Variants in LMF1 observed in about 807,000 individuals in gnomAD.
The protein encoded by LMF1 is lipase maturation factor 1.
LMF1 carries 68 observed loss-of-function variants against 60.6 expected under a neutral mutation model. The ratio of observed to expected loss-of-function variants is 1.12; its 90% confidence interval spans 0.92 to 1.37. LMF1 has a LOEUF of 1.37. LMF1 is among the 40% of genes most tolerant of loss of function. The pLI is 0.00. For synonymous variants in LMF1, 418 were observed against 324.7 expected (o/e 1.29, Z -3.09); for missense variants, 948 against 767.2 (o/e 1.24, Z -2.78).
intron 3 of LMF1, among the ~76,000 whole-genome samples, chr16:915,894 G>C (rs1441367302): frequency 6.6e-6 from 1 of 151,378 alleles, no homozygotes; most frequent in South Asian, 2.1e-4. Flanking sequence ...AGACTTGGGG[G>C]CCTGGGGCAG....
intron 10 of LMF1, among the ~76,000 whole-genome samples, chr16:867,338 T>G (rs1016165418): frequency 6.6e-6 from 1 of 152,216 alleles, no homozygotes; most frequent in Admixed American, 6.5e-5. Context: ...GAGAAACAGA[T>G]GATCCGACTG....
chr16:902,856 C>T (rs2070857421), intron 4 of LMF1, among the ~76,000 whole-genome samples: 1 of 57,490 alleles, frequency 1.7e-5, no homozygotes, highest in African/African-American at 9.3e-5. Flanking sequence ...GTGGTGGTGA[C>T]CTCTGCACTG....
chr16:860,633 G>A (rs2069434363), intron 10 of LMF1, among the ~76,000 whole-genome samples: 1 of 152,164 alleles, frequency 6.6e-6, no homozygotes, highest in Non-Finnish European at 1.5e-5. Flanking sequence ...GGGCCACCAT[G>A]CCTGGCCCTG....
At chr16:950,644 CAG>C (rs201357771) in intron 2 of LMF1, among the ~76,000 whole-genome samples, 4,187 of 147,094 alleles carry the variant, frequency 0.028, 77 homozygotes, top group East Asian at 0.041. Flanking sequence ...CAGCCAAGGA[CAG>C]AGTCAGCCAA....
chr16:908,902 G>A (rs2071035652), intron 4 of LMF1, among the ~76,000 whole-genome samples: 2 of 152,336 alleles, frequency 1.3e-5, no homozygotes, highest in African/African-American at 4.8e-5. Flanking sequence ...CTGGGTTGAA[G>A]CTGGCATGCC....
intron 5 of LMF1, among the ~76,000 whole-genome samples, chr16:886,311 G>A (rs1366582952): frequency 1.3e-5 from 2 of 152,132 alleles, no homozygotes; most frequent in African/African-American, 2.4e-5. Context: ...TGACCTTGAG[G>A]CGCCACCCCT....
intron 2 of LMF1, among the ~76,000 whole-genome samples, chr16:950,010 GA>G: frequency 6.9e-6 from 1 of 144,550 alleles, no homozygotes; most frequent in Admixed American, 6.8e-5. Flanking sequence ...GACAGAGTCA[GA>G]GCCAACGACA....
intron 5 of LMF1, among the ~76,000 whole-genome samples, chr16:884,604 G>A (rs547183132): frequency 4.6e-5 from 7 of 152,144 alleles, no homozygotes; most frequent in South Asian, 2.1e-4. Flanking sequence ...GGATCTCCAC[G>A]CAGGAGTGAA....
Position 869,864 on chromosome 16 carries a change from G to A in LMF1, c.1416+19C>T, listed in dbSNP as rs377644339. The A allele has an allele frequency of 3.5e-5, 56 of 1,605,322 alleles. No individual in the cohort carries two copies. The highest frequency in any genetic ancestry group is 3.1e-4 in the African/African-American group (23 of 74,976). On this transcript the variant is annotated intron_variant, in intron 9 of 10. Transcript: ENST00000262301. ...GGGGTACAGGCAGGTCCATGCGCCC[G>A]CCAGGGACCGTCCCCCACCTGGAAG...
At chr16:976,641 G>A (rs1281992900) in intron 1 of LMF1, 1 of 454,002 alleles carries the variant, frequency 2.2e-6, no homozygotes, top group Non-Finnish European at 4.4e-6. Context: ...TGCTGTTGGC[G>A]CCCCCCACCC....
At chr16:949,625 GCCA>G (rs1300165290) in intron 2 of LMF1, among the ~76,000 whole-genome samples, 1 of 115,816 alleles carries the variant, frequency 8.6e-6, no homozygotes, top group Non-Finnish European at 1.7e-5. Context: ...CAGAGTCAGA[GCCA>G]ATGACAGAGT....
chr16:874,527 G>A lies in LMF1; in HGVS notation c.898-3186C>T, dbSNP rs1026342769. Among the ~76,000 whole-genome samples the A allele has an allele frequency of 6.6e-6, 1 of 152,218 alleles. No individual in the cohort carries two copies. Among genetic ancestry groups the A allele is most frequent in the Non-Finnish European group, 1.5e-5 (1 of 68,026 alleles). ...GGTGCTGGCTGGGCGGCCGGGCTCT[G>A]CGGTCACTGCTCTTGTGCACCTCTC... On this transcript the variant is annotated intron_variant, in intron 6 of 10. Transcript: ENST00000262301. The surrounding 1 kb of genome is among the most constrained non-coding windows in gnomAD (Gnocchi z 4.1).
chr16:972,788 C>T (rs966918823), upstream of LMF1, among the ~76,000 whole-genome samples: 1 of 152,238 alleles, frequency 6.6e-6, no homozygotes, highest in Admixed American at 6.5e-5. Flanking sequence ...CAGCTTCCAG[C>T]GCTCCGGGCT....
At chr16:939,925 A>G (rs1385153109) in intron 2 of LMF1, among the ~76,000 whole-genome samples, 1 of 152,140 alleles carries the variant, frequency 6.6e-6, no homozygotes, top group East Asian at 1.9e-4. Context: ...ACCCTGTCTT[A>G]TTTGGAAAAG....
At chr16:871,085 C>G in intron 7 of LMF1, 76 bp downstream of exon 7, 1 of 1,460,166 alleles carries the variant, frequency 6.8e-7, no homozygotes, top group Non-Finnish European at 9.1e-7. Context: ...CCCCAACCCA[C>G]ACGGGCAGGC....
intron 3 of LMF1, among the ~76,000 whole-genome samples, chr16:932,009 C>A (rs572789125): frequency 2.0e-5 from 3 of 152,350 alleles, no homozygotes; most frequent in African/African-American, 7.2e-5. Flanking sequence ...GCGCAGCCCC[C>A]GACGGCGGCC....
intron 6 of LMF1, among the ~76,000 whole-genome samples, chr16:877,057 A>G (rs996224906): frequency 2.2e-4 from 34 of 152,264 alleles, no homozygotes; most frequent in African/African-American, 7.7e-4. Context: ...ACAGGCCTTG[A>G]GGCCGGGCGC....
intron 2 of LMF1, among the ~76,000 whole-genome samples, chr16:948,558 C>T (rs1167617460): frequency 6.8e-6 from 1 of 146,216 alleles, no homozygotes; most frequent in Non-Finnish European, 1.5e-5. Context: ...TCAGACACAG[C>T]GACAGAGTTA....
At chr16:977,164 C>G (rs1207745326) in intron 1 of LMF1, 4 of 448,426 alleles carry the variant, frequency 8.9e-6, no homozygotes, top group Non-Finnish European at 1.8e-5. Flanking sequence ...GCTTAAGGCA[C>G]AGACAAGGCC....
Sources: gnomAD v4.1 joint callset for allele counts (sites outside exome capture counted in the v4.1 genomes callset) on GRCh38, gnomAD v4.1.1 for gene constraint, Gnocchi (gnomAD v3.1) non-coding constraint, MANE v1.5 for transcripts, NCBI Gene and HGNC (gene_info 2026-07-23, HGNC 2026-07-21) for gene names.